Variants in NAALADL1 observed in about 807,000 individuals in gnomAD.
NAALADL1 encodes the protein aminopeptidase NAALADL1.
A neutral mutation model predicts 82.8 loss-of-function variants in NAALADL1; 77 were observed. The ratio of observed to expected loss-of-function variants is 0.93; its 90% confidence interval spans 0.77 to 1.12. The LOEUF is 1.12. Among genes scored for constraint, NAALADL1 ranks in the 50% most tolerant of loss-of-function variants. The pLI, the probability that NAALADL1 is intolerant of heterozygous loss-of-function variation, is 0.00. For synonymous variants in NAALADL1, 358 were observed against 399.2 expected (o/e 0.90, Z 1.23); for missense variants, 956 against 964.0 (o/e 0.99, Z 0.11).
rs201296647 is a variant in NAALADL1, at chr11:65,054,703, C to T, written c.639G>A (p.Val213=). The change falls in exon 5 of 18, where the codon GTG becomes GTA. Residue 213 remains valine, a synonymous_variant. Transcript: ENST00000358658. The surrounding 1 kb of genome is among the most constrained non-coding windows in gnomAD (Gnocchi z 4.3). ...TGTCGGCAGGGTCTGTGTACACCAG[C>T]ACCCCAGCTACCCCGTGCTTGGCAG... ...VNAAKHGVAG[V]LVYTDPADIN... is the part of the protein sequence containing the mutation. 4.3e-6 allele frequency: 7 copies of T among 1,614,072 alleles called. No homozygotes were observed. In the East Asian group the frequency reaches 6.7e-5, roughly 15 times the overall value.
Position 65,048,289 on chromosome 11 carries a change from G to A in NAALADL1, c.1284+11C>T, listed in dbSNP as rs1243248490. 1.9e-6 allele frequency: 3 copies of A among 1,614,168 alleles called. No homozygotes were observed. The highest frequency in any genetic ancestry group is 2.5e-6 in the Non-Finnish European group (3 of 1,180,022). The stretch of plus-strand genomic sequence containing the variant: ...ACCCCTTTCGATCCCCTACCCTGTA[G>A]GGCCACTCACTTCTGTGAATTCCGT... On this transcript the variant is annotated intron_variant, in intron 9 of 17. Coordinates refer to ENST00000358658, the MANE Select transcript of NAALADL1 (RefSeq NM_005468.3).
intron 8 of NAALADL1, 28 bp from the exon 9 acceptor site, chr11:65,048,413 G>A (rs749679163): frequency 1.2e-6 from 2 of 1,613,484 alleles, no homozygotes; most frequent in Non-Finnish European, 1.7e-6. Context: ...AGGGTTGGAG[G>A]ACAGGGTCCT....
rs373991426 is a variant in NAALADL1, at chr11:65,045,467, G to A, written c.2037-10C>T. On this transcript the variant is annotated splice_polypyrimidine_tract_variant and intron_variant, in intron 17 of 17. Transcript: ENST00000358658. ...TGCCCAGAGCACATGGCTGACAAGAGAAATGGGACAGGATCAGGGTCAGTC... is the reference window on the plus strand; with the variant it reads ...TGCCCAGAGCACATGGCTGACAAGAAAAATGGGACAGGATCAGGGTCAGTC... The A allele has an allele frequency of 6.3e-7, 1 of 1,594,572 alleles. No homozygotes were observed. Among genetic ancestry groups the A allele is most frequent in the Non-Finnish European group, 8.6e-7 (1 of 1,168,016 alleles).
chr11:65,047,335 G>T, intron 13 of NAALADL1, 140 bp downstream of exon 13: 1 of 689,074 alleles, frequency 1.5e-6, no homozygotes, highest in Non-Finnish European at 2.5e-6. Flanking sequence ...CTGTGTGTGT[G>T]TGTGTTTTTT....
chr11:65,051,319 T>TC (rs1946882022), intron 8 of NAALADL1, among the ~76,000 whole-genome samples: 1 of 8,948 alleles, frequency 1.1e-4, no homozygotes, highest in South Asian at 3.2e-3. Flanking sequence ...TTCTTTCTTT[T>TC]TTTTTTTTTT....
At position 65,050,745 on chromosome 11, in the gene NAALADL1, C is replaced by T. The variant is rs185443913; in HGVS notation, c.1199-2360G>A. ...GCAGAGGTTGCAGTGAGCCAGATTG[C>T]GCCACTGCACTCCAGCCTGGGTCAC... On this transcript the variant is annotated intron_variant, in intron 8 of 17. Coordinates refer to ENST00000358658, the MANE Select transcript of NAALADL1 (RefSeq NM_005468.3). 1.1e-4 allele frequency among the ~76,000 whole-genome samples: 17 copies of T among 152,198 alleles called. No individual in the cohort carries two copies. In the East Asian group the frequency reaches 1.2e-3, roughly 10 times the overall value.
At position 65,053,455 on chromosome 11, in the gene NAALADL1, G is replaced by C. The variant is rs1470154644; in HGVS notation, c.1078+36C>G. 1 of 1,613,242 alleles carries C rather than the reference G, an allele frequency of 6.2e-7. No homozygotes were observed. Among genetic ancestry groups the C allele is most frequent in the East Asian group, 2.2e-5 (1 of 44,874 alleles). Reference sequence around the variant, plus strand: ...GGACAGCGGCATCCAGAGCAGAGCAGGGGCCTGGGGTGCAGGCAGCAAGAG... The same window carrying C: ...GGACAGCGGCATCCAGAGCAGAGCACGGGCCTGGGGTGCAGGCAGCAAGAG... On this transcript the variant is annotated intron_variant, in intron 7 of 17. Coordinates refer to ENST00000358658, the MANE Select transcript of NAALADL1 (RefSeq NM_005468.3). This position sits in a 1 kb window ranked among gnomAD's most constrained non-coding sequence, Gnocchi z 4.3.
intron 13 of NAALADL1, 95 bp from the exon 14 acceptor site, chr11:65,046,621 T>G: frequency 8.0e-7 from 1 of 1,253,096 alleles, no homozygotes; most frequent in African/African-American, 1.5e-5. Flanking sequence ...TTATCTCCAC[T>G]GAATCTTGGC....
At chr11:65,051,459 C>T (rs1946887615) in intron 8 of NAALADL1, among the ~76,000 whole-genome samples, 1 of 150,710 alleles carries the variant, frequency 6.6e-6, no homozygotes, top group Non-Finnish European at 1.5e-5. Flanking sequence ...ACACAGCCTC[C>T]GAAGTAGCTG....
chr11:65,048,812 T>C (rs558710155), intron 8 of NAALADL1, among the ~76,000 whole-genome samples: 2 of 152,160 alleles, frequency 1.3e-5, no homozygotes, highest in East Asian at 3.9e-4. Flanking sequence ...CATTTCACAG[T>C]TGAAGAAGCT....
chr11:65,051,655 G>A (rs985154715), intron 8 of NAALADL1, among the ~76,000 whole-genome samples: 4 of 152,082 alleles, frequency 2.6e-5, no homozygotes, highest in South Asian at 2.1e-4. Context: ...TCTGAACTGC[G>A]ACATCATATC....
chr11:65,054,792 C>T lies in NAALADL1; in HGVS notation c.604-54G>A. The stretch of plus-strand genomic sequence containing the variant: ...AGGGAGGGACCGGGACCAGATATGT[C>T]CTATTCCTCTTCCTCCTTCCTCGAC... On this transcript the variant is annotated intron_variant, in intron 4 of 17. Coordinates refer to ENST00000358658, the MANE Select transcript of NAALADL1 (RefSeq NM_005468.3). The surrounding 1 kb of genome is among the most constrained non-coding windows in gnomAD (Gnocchi z 4.3). 1 of 1,571,770 alleles carries T rather than the reference C, an allele frequency of 6.4e-7. No individual in the cohort carries two copies. The highest frequency in any genetic ancestry group is 1.3e-5 in the African/African-American group (1 of 74,228).
In NAALADL1 at chr11:65,046,052, A is replaced by C. The variant is rs751088989; in HGVS notation, c.1918T>G (p.Ser640Ala). 8 of 1,613,954 alleles carry C rather than the reference A, an allele frequency of 5.0e-6. No individual in the cohort carries two copies. Among genetic ancestry groups the C allele is most frequent in the Non-Finnish European group, 6.8e-6 (8 of 1,179,978 alleles). The change falls in exon 16 of 18, where the codon TCA becomes GCA. Residue 640 changes from serine to alanine, a missense_variant. Coordinates refer to ENST00000358658, the MANE Select transcript of NAALADL1 (RefSeq NM_005468.3). ...TCAGGGCTGCCCTTCTGCAGTGTTG[A>C]TATGCGTTGGCCCAAGGCTGCAGCT... Reference protein sequence around the residue: ...AEAAALGQRISTLQKGSPDPL... With the variant: ...AEAAALGQRIATLQKGSPDPL...
intron 16 of NAALADL1, 40 bp downstream of exon 16, chr11:65,045,987 G>A (rs1467610619): frequency 1.9e-6 from 3 of 1,611,600 alleles, no homozygotes; most frequent in Admixed American, 1.7e-5. Context: ...TCCTGCCCTG[G>A]GTGCTGCCCT....
chr11:65,053,110 C>A lies in NAALADL1; in HGVS notation c.1198+108G>T. ...GTGTCATGCATGTCTGCCCCCAGGG[C>A]CCTCAGGCATGGCACAAGGAGCACT... On this transcript the variant is annotated intron_variant, in intron 8 of 17. Transcript: ENST00000358658. The surrounding 1 kb of genome is among the most constrained non-coding windows in gnomAD (Gnocchi z 4.3). 1 of 1,364,338 alleles carries A rather than the reference C, an allele frequency of 7.3e-7. No homozygotes were observed. 84.5% of individuals were successfully genotyped at this position (1,364,338 alleles called of 1,614,324 possible).
Position 65,058,441 on chromosome 11 carries a change from G to A in NAALADL1, c.81C>T (p.Ala27=). Residue 27 remains alanine (A), a synonymous_variant, in exon 1 of 18, where the codon GCC becomes GCT. Transcript: ENST00000358658. ...CCAGTGAGTTGGCTTTTTTGGGGATGGCAAAGTGGCCGAGGATGATCCCCA... is the reference window on the plus strand; with the variant it reads ...CCAGTGAGTTGGCTTTTTTGGGGATAGCAAAGTGGCCGAGGATGATCCCCA... The part of the protein sequence containing the change: ...LGLGIILGHF[A]IPKKANSLAP... 6.2e-7 allele frequency: 1 copy of A among 1,614,050 alleles called. No homozygotes were observed. The highest frequency in any genetic ancestry group is 2.2e-5 in the East Asian group (1 of 44,884).
chr11:65,055,465 A>C (rs1008918094), intron 4 of NAALADL1, among the ~76,000 whole-genome samples: 1 of 152,156 alleles, frequency 6.6e-6, no homozygotes, highest in African/African-American at 2.4e-5. Context: ...AAACAAACAA[A>C]AAACAATGGA....
intron 8 of NAALADL1, among the ~76,000 whole-genome samples, chr11:65,050,751 T>A (rs1946865187): frequency 1.3e-5 from 2 of 152,204 alleles, no homozygotes; most frequent in Non-Finnish European, 2.9e-5. Flanking sequence ...ATTGCGCCAC[T>A]GCACTCCAGC....
Position 65,054,468 on chromosome 11 carries a change from T to C in NAALADL1, c.874A>G (p.Arg292Gly), listed in dbSNP as rs766887317. 4 of 1,613,998 alleles carry C rather than the reference T, an allele frequency of 2.5e-6. No homozygotes were observed. In the South Asian group the frequency reaches 4.4e-5, roughly 18 times the overall value. ...PTQPIGFQDA[R>G]DLLCNLNGTL... ...GCACAAACTCACCAGAGCAGGTCTCTTGCATCCTGGAAGCCAATGGGCTGT... is the reference window on the plus strand; with the variant it reads ...GCACAAACTCACCAGAGCAGGTCTCCTGCATCCTGGAAGCCAATGGGCTGT... Residue 292 changes from arginine (R) to glycine (G), a missense_variant, in exon 5 of 18, where the codon AGA becomes GGA. Physicochemically the swap from Arg to Gly is moderately radical, Grantham distance 125. Coordinates refer to ENST00000358658, the MANE Select transcript of NAALADL1 (RefSeq NM_005468.3). This position sits in a 1 kb window ranked among gnomAD's most constrained non-coding sequence, Gnocchi z 4.3.
Sources: gnomAD v4.1 joint callset for allele counts (sites outside exome capture counted in the v4.1 genomes callset) on GRCh38, gnomAD v4.1.1 for gene constraint, Gnocchi (gnomAD v3.1) non-coding constraint, MANE v1.5 for transcripts, NCBI Gene and HGNC (gene_info 2026-07-23, HGNC 2026-07-21) for gene names.